ZC3H12B: variants seen among roughly 807,000 people sequenced by gnomAD.
ZC3H12B encodes probable ribonuclease ZC3H12B.
A neutral mutation model predicts 43.9 loss-of-function variants in ZC3H12B; 7 were observed. The observed-to-expected ratio is 0.16, with a 90% CI of 0.09 to 0.30. The LOEUF is 0.30. Among genes scored for constraint, ZC3H12B ranks in the 10% least tolerant of loss-of-function variants. The pLI is 1.00. For synonymous variants in ZC3H12B, 222 were observed against 241.7 expected (o/e 0.92, Z 0.76); for missense variants, 475 against 670.2 (o/e 0.71, Z 3.22).
At chrX:65,238,783 C>G in the ZC3H12B span, among the ~76,000 whole-genome samples, 1 of 112,069 alleles carries the variant, frequency 8.9e-6, no homozygotes, top group East Asian at 2.8e-4. Context: ...GGTGCATTGT[C>G]TCTTTGTTCT....
the ZC3H12B span, among the ~76,000 whole-genome samples, chrX:65,180,887 A>G: frequency 3.6e-5 from 4 of 111,717 alleles, no homozygotes; most frequent in African/African-American, 1.3e-4. Context: ...TCTTCACAGA[A>G]TTACCAGAAA....
chrX:65,297,862 T>C, the ZC3H12B span, among the ~76,000 whole-genome samples: 1 of 111,583 alleles, frequency 9.0e-6, no homozygotes, highest in African/African-American at 3.3e-5. Flanking sequence ...AGCCAACTGA[T>C]CTGCAACAAA....
chrX:65,188,527 T>C, the ZC3H12B span, among the ~76,000 whole-genome samples: 9 of 111,125 alleles, frequency 8.1e-5, no homozygotes, highest in African/African-American at 2.9e-4. Context: ...GGTGAGATTA[T>C]GTCTTATTAC....
chrX:65,188,405 G>T, the ZC3H12B span, among the ~76,000 whole-genome samples: 2 of 96,251 alleles, frequency 2.1e-5, no homozygotes, highest in African/African-American at 7.7e-5. Context: ...ATTATTCATA[G>T]CGGTTTTACT....
the ZC3H12B span, among the ~76,000 whole-genome samples, chrX:65,144,330 G>A: frequency 1.9e-3 from 209 of 111,432 alleles, 1 homozygote; most frequent in Admixed American, 5.4e-3. Flanking sequence ...CTCCTGTTTC[G>A]TTGCTTATTG....
chrX:65,471,080 T>C (rs1463782549), intron 3 of ZC3H12B, among the ~76,000 whole-genome samples: 1 of 111,606 alleles, frequency 9.0e-6, no homozygotes, highest in African/African-American at 3.3e-5. Context: ...CCAGTGTTTT[T>C]TTATTTACTT....
At chrX:65,427,027 G>A (rs752008256) in intron 3 of ZC3H12B, among the ~76,000 whole-genome samples, 1 of 111,602 alleles carries the variant, frequency 9.0e-6, no homozygotes, top group Admixed American at 9.5e-5. Flanking sequence ...TTAATTTTCT[G>A]TCTCGATGAT....
At chrX:65,461,164 T>C (rs760701004) in intron 3 of ZC3H12B, among the ~76,000 whole-genome samples, 1 of 112,173 alleles carries the variant, frequency 8.9e-6, no homozygotes, top group African/African-American at 3.2e-5. Context: ...AGATACCATC[T>C]CACACCACTT....
chrX:65,264,645 C>T, the ZC3H12B span, among the ~76,000 whole-genome samples: 1 of 111,519 alleles, frequency 9.0e-6, no homozygotes, highest in African/African-American at 3.3e-5. Flanking sequence ...GTGAAGAAGA[C>T]AGAGATTATT....
At chrX:65,293,526 A>G in the ZC3H12B span, among the ~76,000 whole-genome samples, 1 of 110,640 alleles carries the variant, frequency 9.0e-6, no homozygotes, top group African/African-American at 3.3e-5. Context: ...TGCCAGAAAA[A>G]GAATTCAGAA....
the ZC3H12B span, among the ~76,000 whole-genome samples, chrX:65,299,715 G>A: frequency 5.3e-5 from 6 of 112,308 alleles, no homozygotes; most frequent in Non-Finnish European, 7.5e-5. Flanking sequence ...GAGGCTCCCA[G>A]TGTGAAATTT....
the ZC3H12B span, among the ~76,000 whole-genome samples, chrX:65,225,610 G>A: frequency 8.9e-6 from 1 of 112,006 alleles, no homozygotes; most frequent in Non-Finnish European, 1.9e-5. Context: ...CAAAGGCAAA[G>A]AAGTTAAAAA....
At chrX:65,158,428 G>A in the ZC3H12B span, among the ~76,000 whole-genome samples, 10 of 111,503 alleles carry the variant, frequency 9.0e-5, no homozygotes, top group East Asian at 2.6e-3. Context: ...ATCCTCTCCA[G>A]CACCTGTTGT....
the ZC3H12B span, among the ~76,000 whole-genome samples, chrX:65,343,391 C>T: frequency 9.0e-6 from 1 of 111,576 alleles, no homozygotes; most frequent in African/African-American, 3.3e-5. Flanking sequence ...AAAACTTCAG[C>T]CAATATCCTT....
chrX:65,083,585 T>A, the ZC3H12B span, among the ~76,000 whole-genome samples: 7 of 111,250 alleles, frequency 6.3e-5, no homozygotes, highest in African/African-American at 2.3e-4. Flanking sequence ...TATAAAACAC[T>A]GATGAAAGAA....
chrX:65,494,539 T>G (rs1253580885), intron 1 of ZC3H12B, among the ~76,000 whole-genome samples: 1 of 110,908 alleles, frequency 9.0e-6, no homozygotes, highest in Non-Finnish European at 1.9e-5. Flanking sequence ...TCCCGGCACT[T>G]TAGGAGGCTG....
chrX:65,116,954 G>T, the ZC3H12B span, among the ~76,000 whole-genome samples: 7 of 111,576 alleles, frequency 6.3e-5, no homozygotes, highest in Non-Finnish European at 1.3e-4. Flanking sequence ...TAATCCAGTT[G>T]ATCATTGTTG....
chrX:65,488,271 A>G (rs982190567), upstream of ZC3H12B, among the ~76,000 whole-genome samples: 1 of 110,086 alleles, frequency 9.1e-6, no homozygotes, highest in Non-Finnish European at 1.9e-5. Flanking sequence ...GAGTCTTTCC[A>G]TGGAAATATA....
chrX:65,450,117 C>A (rs2067451037), intron 3 of ZC3H12B, among the ~76,000 whole-genome samples: 1 of 107,639 alleles, frequency 9.3e-6, no homozygotes, highest in Admixed American at 1.0e-4. Context: ...CCAGCCTGGC[C>A]AAGATGGCGA....
Sources: allele counts gnomAD v4.1 joint callset (sites outside exome capture counted in the v4.1 genomes callset), GRCh38; gene constraint gnomAD v4.1.1; transcripts MANE v1.5; gene names NCBI Gene and HGNC (gene_info 2026-07-23, HGNC 2026-07-21).